Variants in MYRIP observed in about 807,000 individuals in gnomAD.
MYRIP encodes myosin VIIA and Rab interacting protein, also known as rab effector MyRIP.
Under a neutral mutation model 98.0 loss-of-function variants are expected in MYRIP, and 49 were observed. That is an observed-to-expected ratio of 0.50 (90% CI 0.40 to 0.63). The LOEUF is 0.63. MYRIP is among the 30% of genes least tolerant of loss of function. The probability of loss-of-function intolerance (pLI) is 0.00; values close to 1 mark genes in which losing one functional copy is unlikely to be tolerated. For synonymous variants in MYRIP, 404 were observed against 409.5 expected (o/e 0.99, Z 0.16); for missense variants, 1,004 against 1,058.2 (o/e 0.95, Z 0.71).
At chr3:39,962,057 AC>A (rs1457493144) in intron 2 of MYRIP, among the ~76,000 whole-genome samples, 1 of 152,030 alleles carries the variant, frequency 6.6e-6, no homozygotes, top group Non-Finnish European at 1.5e-5. Context: ...GGTAATCGAC[AC>A]TCTTGATGTC....
At chr3:39,845,403 T>C (rs1941933833) in intron 1 of MYRIP, among the ~76,000 whole-genome samples, 1 of 152,186 alleles carries the variant, frequency 6.6e-6, no homozygotes, top group Non-Finnish European at 1.5e-5. Context: ...TTTATATACA[T>C]TTTATTTTCT....
Position 39,953,967 on chromosome 3 carries a change from C to T in MYRIP, c.110+53041C>T, listed in dbSNP as rs151327424. Among the ~76,000 whole-genome samples the T allele has an allele frequency of 9.8e-3, 1,496 of 152,208 alleles. 24 individuals are homozygous for T. The highest frequency in any genetic ancestry group is 0.035 in the African/African-American group (1,435 of 41,522). On this transcript the variant is annotated intron_variant, in intron 2 of 16. Coordinates refer to ENST00000302541, the MANE Select transcript of MYRIP (RefSeq NM_015460.4). ...GGTGGCAGGGAGGCTGGGAGAGGGG[C>T]GTCCACCATTACTGAGGCTTGAGTA... is the stretch of plus-strand genomic sequence containing the variant.
At chr3:39,997,720 A>G (rs936207343) in intron 2 of MYRIP, among the ~76,000 whole-genome samples, 2 of 152,212 alleles carry the variant, frequency 1.3e-5, no homozygotes, top group African/African-American at 4.8e-5. Flanking sequence ...AGCCTGGCAG[A>G]GACACAACAA....
rs1373059211 is a variant in MYRIP, at chr3:40,259,305, CAATT to C, written c.*1144_*1147del. On this transcript the variant is annotated 3_prime_UTR_variant, in exon 17 of 17. Transcript: ENST00000302541. ...GAGATAATGGAACTGAACTTTCACT[CAATT>C]AATTGGGCATTAACAACCTTCTTTT... The C allele has an allele frequency of 6.6e-6, 1 of 152,178 alleles. No individual in the cohort carries two copies. Among genetic ancestry groups the C allele is most frequent in the Non-Finnish European group, 1.5e-5 (1 of 68,016 alleles). 9.4% of individuals were successfully genotyped at this position (152,178 alleles called of 1,614,324 possible).
intron 1 of MYRIP, among the ~76,000 whole-genome samples, chr3:39,824,037 C>T (rs769073678): frequency 1.3e-5 from 2 of 151,946 alleles, no homozygotes; most frequent in South Asian, 2.1e-4. Flanking sequence ...TTGTTTAAGG[C>T]GAGAAGTGGA....
chr3:39,879,766 G>T (rs920509846), intron 1 of MYRIP, among the ~76,000 whole-genome samples: 5 of 152,198 alleles, frequency 3.3e-5, no homozygotes, highest in African/African-American at 1.2e-4. Context: ...GATTTTTCAC[G>T]GTTCACTGGC....
intron 1 of MYRIP, among the ~76,000 whole-genome samples, chr3:39,886,694 C>G (rs1943312785): frequency 6.6e-6 from 1 of 151,468 alleles, no homozygotes; most frequent in African/African-American, 2.4e-5. Flanking sequence ...TAAAGCAAGT[C>G]CTGAGTGACC....
chr3:40,225,970 T>C lies in MYRIP; in HGVS notation c.1906-7889T>C, dbSNP rs548458063. 5.3e-5 allele frequency among the ~76,000 whole-genome samples: 8 copies of C among 152,266 alleles called. No individual in the cohort carries two copies. The South Asian group carries it at 1.0e-3, about 20-fold the overall frequency. Reference sequence around the variant, plus strand: ...TTACCTGGATGTCCACTGTCCCTAATAGTTCCCCCTAAGGAACATTTGTAA... The same window carrying C: ...TTACCTGGATGTCCACTGTCCCTAACAGTTCCCCCTAAGGAACATTTGTAA... On this transcript the variant is annotated intron_variant, in intron 11 of 16. Transcript: ENST00000302541.
rs575505510 is a variant in MYRIP, at chr3:39,821,673, C to T, written c.-31+11757C>T. Among the ~76,000 whole-genome samples the T allele has an allele frequency of 3.7e-4, 57 of 152,106 alleles. 1 individual carries two copies. Among genetic ancestry groups the T allele is most frequent in the African/African-American group, 1.3e-3 (55 of 41,532 alleles). On this transcript the variant is annotated intron_variant, in intron 1 of 16. Coordinates refer to ENST00000302541, the MANE Select transcript of MYRIP (RefSeq NM_015460.4). The stretch of plus-strand genomic sequence containing the variant: ...TATATAATGTTTTTGTTATTGTTCA[C>T]ATGTGAATTTTTAAATTTTTCATTA...
chr3:40,118,904 T>C (rs1437101715), intron 3 of MYRIP, among the ~76,000 whole-genome samples: 1 of 151,994 alleles, frequency 6.6e-6, no homozygotes, highest in Non-Finnish European at 1.5e-5. Flanking sequence ...ACAAAGGACA[T>C]GAACTCATCC....
intron 11 of MYRIP, among the ~76,000 whole-genome samples, chr3:40,222,653 A>G (rs1374101609): frequency 6.7e-6 from 1 of 149,368 alleles, no homozygotes; most frequent in African/African-American, 2.5e-5. Flanking sequence ...AACATTGTAG[A>G]GAGGGTTTAA....
intron 7 of MYRIP, among the ~76,000 whole-genome samples, chr3:40,167,974 T>C (rs1950532976): frequency 2.0e-5 from 3 of 152,192 alleles, no homozygotes. Context: ...CTGTGCCTTG[T>C]TGTATCAGAG....
intron 3 of MYRIP, among the ~76,000 whole-genome samples, chr3:40,092,031 C>T (rs1321083135): frequency 6.6e-6 from 1 of 152,166 alleles, no homozygotes; most frequent in Non-Finnish European, 1.5e-5. Flanking sequence ...GTCAGAAGCT[C>T]TGTAAGCCTT....
chr3:40,155,868 G>C (rs1398677996), intron 4 of MYRIP, among the ~76,000 whole-genome samples: 1 of 151,324 alleles, frequency 6.6e-6, no homozygotes, highest in Admixed American at 6.6e-5. Flanking sequence ...ATTTGTTTGA[G>C]TTCATTGTAG....
At chr3:39,963,545 G>T (rs1174400711) in intron 2 of MYRIP, among the ~76,000 whole-genome samples, 1 of 152,084 alleles carries the variant, frequency 6.6e-6, no homozygotes, top group Non-Finnish European at 1.5e-5. Flanking sequence ...TGGAACTTGT[G>T]AATTCATATG....
At chr3:40,141,569 T>C (rs1949895733) in intron 3 of MYRIP, among the ~76,000 whole-genome samples, 1 of 152,252 alleles carries the variant, frequency 6.6e-6, no homozygotes, top group Non-Finnish European at 1.5e-5. Context: ...AACACTTTTA[T>C]TACTTTAGGT....
intron 3 of MYRIP, among the ~76,000 whole-genome samples, chr3:40,122,479 GA>G: frequency 6.6e-6 from 1 of 151,302 alleles, no homozygotes; most frequent in South Asian, 2.1e-4. Context: ...TAAATCAAAA[GA>G]AAAAATCCAG....
intron 12 of MYRIP, 109 bp downstream of exon 12, chr3:40,234,162 A>G (rs1453581015): frequency 1.9e-6 from 2 of 1,053,144 alleles, no homozygotes; most frequent in Admixed American, 7.0e-5. Context: ...ACACACACAC[A>G]CCACTACCAC....
At chr3:40,155,623 T>C (rs1346796327) in intron 4 of MYRIP, among the ~76,000 whole-genome samples, 1 of 150,366 alleles carries the variant, frequency 6.7e-6, no homozygotes, top group Non-Finnish European at 1.5e-5. Flanking sequence ...GTAAAAGTGT[T>C]CCTATTTCTC....
Sources: gnomAD v4.1 joint callset for allele counts (sites outside exome capture counted in the v4.1 genomes callset) on GRCh38, gnomAD v4.1.1 for gene constraint, MANE v1.5 for transcripts, NCBI Gene and HGNC (gene_info 2026-07-23, HGNC 2026-07-21) for gene names.